ERCC1: variants seen among roughly 807,000 people sequenced by gnomAD.
The protein encoded by ERCC1 is ERCC excision repair 1, endonuclease non-catalytic subunit, also known as DNA excision repair protein ERCC-1.
ERCC1 carries 36 observed loss-of-function variants against 37.6 expected under a neutral mutation model. The observed-to-expected ratio is 0.96, with a 90% CI of 0.73 to 1.26. ERCC1 has a LOEUF of 1.26. Ranked by LOEUF, ERCC1 falls within the 50% of genes most tolerant of loss-of-function variation. The pLI, the probability that ERCC1 is intolerant of heterozygous loss-of-function variation, is 0.00. For missense variants in ERCC1, 349 were observed against 376.5 expected, an observed-to-expected ratio of 0.93 and a Z score of 0.60; for synonymous variants, 156 against 162.1, an observed-to-expected ratio of 0.96 and a Z score of 0.28.
chr19:45,427,345 C>T (rs980595166), upstream of ERCC1, among the ~76,000 whole-genome samples: 3 of 152,130 alleles, frequency 2.0e-5, no homozygotes, highest in South Asian at 6.2e-4. Flanking sequence ...CACAGTGGCT[C>T]ACGCCTGTAA....
chr19:45,440,505 G>C (rs989903557), intron 1 of ERCC1, among the ~76,000 whole-genome samples: 5 of 152,174 alleles, frequency 3.3e-5, no homozygotes, highest in African/African-American at 1.2e-4. Context: ...GCAGGGGTAG[G>C]CTTAGATCTG....
intron 1 of ERCC1, among the ~76,000 whole-genome samples, chr19:45,448,629 C>G (rs919153018): frequency 6.6e-6 from 1 of 152,024 alleles, no homozygotes; most frequent in Non-Finnish European, 1.5e-5. Context: ...GGGAGGATCT[C>G]TTGAGCCCAG....
chr19:45,419,845 C>T (rs1011630496), intron 4 of ERCC1, among the ~76,000 whole-genome samples: 5 of 151,944 alleles, frequency 3.3e-5, no homozygotes, highest in African/African-American at 4.8e-5. Context: ...TGGGCCCAGC[C>T]CCTCCTCCCT....
intron 9 of ERCC1, among the ~76,000 whole-genome samples, chr19:45,411,389 G>A (rs1276531242): frequency 6.6e-6 from 1 of 151,864 alleles, no homozygotes; most frequent in Non-Finnish European, 1.5e-5. Flanking sequence ...CATAGTGGTT[G>A]TACTGATTTA....
intron 1 of ERCC1, chr19:45,450,786 AAAGAG>A (rs1454886647): frequency 1.7e-3 from 249 of 149,784 alleles, no homozygotes; most frequent in African/African-American, 5.7e-3. Flanking sequence ...AAAAAAAAAA[AAAGAG>A]AGAGAGAATG....
At chr19:45,426,925 A>G (rs1974706764), upstream of ERCC1, among the ~76,000 whole-genome samples, 1 of 140,304 alleles carries the variant, frequency 7.1e-6, no homozygotes, top group Non-Finnish European at 1.5e-5. Flanking sequence ...ACGCAATTGT[A>G]CTCCAGCCTG....
intron 9 of ERCC1, 164 bp from the exon 10 acceptor site, chr19:45,409,889 ATTATTATT>A: frequency 1.3e-5 from 3 of 237,018 alleles, no homozygotes; most frequent in African/African-American, 8.5e-5. Flanking sequence ...TATTATTATT[ATTATTATT>A]TTTTTTTTTT....
In ERCC1 at chr19:45,408,857, G is replaced by C; in HGVS notation, c.*818C>G. The C allele has an allele frequency of 6.2e-7, 1 of 1,614,206 alleles. No individual in the cohort carries two copies. The highest frequency in any genetic ancestry group is 1.1e-5 in the South Asian group (1 of 91,084). On this transcript the variant is annotated 3_prime_UTR_variant, in exon 10 of 10. Transcript: ENST00000300853. ...AAAGAGAAAGAGGCAAAAGGGGACGGAAGGGATGGAGCCAGAGGAGGGGGT... is the reference window on the plus strand; with the variant it reads ...AAAGAGAAAGAGGCAAAAGGGGACGCAAGGGATGGAGCCAGAGGAGGGGGT...
chr19:45,414,063 G>C (rs376174953), intron 7 of ERCC1, 29 bp from the exon 8 acceptor site: 1 of 1,595,254 alleles, frequency 6.3e-7, no homozygotes, highest in East Asian at 2.2e-5. Flanking sequence ...GGAGTGTGTC[G>C]GAAGAAGAAA....
intron 2 of ERCC1, 71 bp from the exon 3 acceptor site, chr19:45,421,464 C>A: frequency 9.2e-7 from 1 of 1,084,830 alleles, no homozygotes. Flanking sequence ...CCTGTGAGTT[C>A]CTCTCCCCTT....
chr19:45,428,492 C>G (rs1417250729), upstream of ERCC1, among the ~76,000 whole-genome samples: 2 of 152,216 alleles, frequency 1.3e-5, no homozygotes, highest in Non-Finnish European at 2.9e-5. Context: ...TATCCAAGCT[C>G]CGATTCCGCC....
intron 1 of ERCC1, among the ~76,000 whole-genome samples, chr19:45,437,110 G>A (rs1975000278): frequency 1.3e-5 from 2 of 151,854 alleles, no homozygotes; most frequent in African/African-American, 2.4e-5. Context: ...TTAGCCAGGC[G>A]TTGTGACACA....
At chr19:45,423,205 C>G in intron 2 of ERCC1, 65 bp downstream of exon 2, 1 of 1,492,342 alleles carries the variant, frequency 6.7e-7, no homozygotes, top group Non-Finnish European at 9.2e-7. Flanking sequence ...CCCACAGGCC[C>G]CATCCTATCC....
intron 9 of ERCC1, among the ~76,000 whole-genome samples, chr19:45,412,799 G>T (rs1326469852): frequency 1.3e-5 from 2 of 151,062 alleles, no homozygotes; most frequent in Admixed American, 1.3e-4. Flanking sequence ...GAGTGCAATG[G>T]CGCTATCTTG....
In ERCC1 at chr19:45,408,773, G is replaced by A. The variant is rs377364364; in HGVS notation, c.*902C>T. ...AACCTTCGAGCCAGAAGACAAGACA[G>A]TGAAGCAGGAACAGATTAACACTGA... On this transcript the variant is annotated 3_prime_UTR_variant, in exon 10 of 10. Transcript: ENST00000300853. 6.2e-7 allele frequency: 1 copy of A among 1,613,824 alleles called. No individual in the cohort carries two copies. Among genetic ancestry groups the A allele is most frequent in the African/African-American group, 1.3e-5 (1 of 74,822 alleles).
intron 1 of ERCC1, among the ~76,000 whole-genome samples, chr19:45,443,913 T>C (rs997824317): frequency 2.0e-5 from 3 of 151,440 alleles, no homozygotes; most frequent in African/African-American, 4.9e-5. Context: ...CTTTCACACC[T>C]TCCCAACGCC....
rs1376924104 is a variant in ERCC1, at chr19:45,407,948, A to T, written c.*1727T>A. Reference sequence around the variant, plus strand: ...AGGTGCCTGTAATCCCAGCTACTTGAGAGGCTGAGGCAGGAGAATCGCTTG... The same window carrying T: ...AGGTGCCTGTAATCCCAGCTACTTGTGAGGCTGAGGCAGGAGAATCGCTTG... On this transcript the variant is annotated 3_prime_UTR_variant, in exon 10 of 10. Coordinates refer to ENST00000300853, the MANE Select transcript of ERCC1 (RefSeq NM_001983.4). 2.9e-6 allele frequency: 2 copies of T among 688,712 alleles called. No individual in the cohort carries two copies. Among genetic ancestry groups the T allele is most frequent in the African/African-American group, 3.6e-5 (2 of 55,298 alleles). The allele number at this position is 688,712 out of a possible 1,614,324, so 42.7% of individuals were successfully genotyped here.
chr19:45,414,067 G>A, intron 7 of ERCC1, 33 bp from the exon 8 acceptor site: 1 of 1,579,434 alleles, frequency 6.3e-7, no homozygotes, highest in Non-Finnish European at 8.7e-7. Flanking sequence ...TGTGTCGGAA[G>A]AAGAAAGGCC....
At position 45,421,269 on chromosome 19, in the gene ERCC1, G is replaced by A. The variant is rs3188420; in HGVS notation, c.230C>T (p.Pro77Leu). ...QPLEGAGATCPTGSEPLAGET... is the reference protein window; with the variant it reads ...QPLEGAGATCLTGSEPLAGET... Reference sequence around the variant, plus strand: ...TCCTGCCAGGGGCTCTGACCCTGTGGGGCACGTGGCCCCAGCCCCTTCCAG... The same window carrying A: ...TCCTGCCAGGGGCTCTGACCCTGTGAGGCACGTGGCCCCAGCCCCTTCCAG... The change falls in exon 3 of 10, where the codon CCC (proline) becomes CTC (leucine). Residue 77 changes from proline to leucine, a missense_variant. Transcript: ENST00000300853. 1.2e-6 allele frequency: 2 copies of A among 1,614,066 alleles called. No homozygotes were observed. The highest frequency in any genetic ancestry group is 1.7e-5 in the Admixed American group (1 of 59,988).
Sources: gnomAD v4.1 joint callset for allele counts (sites outside exome capture counted in the v4.1 genomes callset) on GRCh38, gnomAD v4.1.1 for gene constraint, MANE v1.5 for transcripts, NCBI Gene and HGNC (gene_info 2026-07-23, HGNC 2026-07-21) for gene names.